Variants in SCN2A observed in about 807,000 individuals in gnomAD.
SCN2A encodes the protein sodium voltage-gated channel alpha subunit 2, also known as sodium channel protein type 2 subunit alpha.
SCN2A carries 20 observed loss-of-function variants against 188.7 expected under a neutral mutation model. That is an observed-to-expected ratio of 0.11 (90% CI 0.07 to 0.15). The LOEUF is 0.15. SCN2A is among the 10% of genes least tolerant of loss of function. SCN2A has a pLI of 1.00. For synonymous variants in SCN2A, 804 were observed against 833.1 expected, an observed-to-expected ratio of 0.97 and a Z score of 0.60; for missense variants, 1,278 against 2,445.0, an observed-to-expected ratio of 0.52 and a Z score of 10.07.
intron 1 of SCN2A, among the ~76,000 whole-genome samples, chr2:165,279,552 A>C (rs1186715567): frequency 6.6e-6 from 1 of 151,876 alleles, no homozygotes; most frequent in Non-Finnish European, 1.5e-5. Flanking sequence ...CAAGTTTTTA[A>C]AAATATTATA....
Position 165,295,791 on chromosome 2 carries a change from G to T in SCN2A, c.-33G>T. 1 of 1,613,760 alleles carries T rather than the reference G, an allele frequency of 6.2e-7. No individual in the cohort carries two copies. Among genetic ancestry groups the T allele is most frequent in the Non-Finnish European group, 8.5e-7 (1 of 1,179,958 alleles). On this transcript the variant is annotated 5_prime_UTR_variant, in exon 2 of 27. Transcript: ENST00000375437. ...TCTGTAGCACTTTCTTATGCAAGGAGCTAAACAGTGATTAAAGGAGCAGGA... is the reference window on the plus strand; with the variant it reads ...TCTGTAGCACTTTCTTATGCAAGGATCTAAACAGTGATTAAAGGAGCAGGA...
In SCN2A at chr2:165,312,039, T is replaced by C; in HGVS notation, c.985T>C (p.Leu329=). The part of the protein sequence containing the change: ...YIEDKSHFYF[L]EGQNDALLCG... ...TCTTTAAATAGGTCACTTTTATTTT[T>C]TAGAGGGGCAAAATGATGCTCTGCT... The change falls in exon 8 of 27, where the codon TTA becomes CTA. Residue 329 remains leucine, a synonymous_variant. Coordinates refer to ENST00000375437, the MANE Select transcript of SCN2A (RefSeq NM_001040142.2). 2 of 1,611,980 alleles carry C rather than the reference T, an allele frequency of 1.2e-6. No individual in the cohort carries two copies. The highest frequency in any genetic ancestry group is 8.5e-7 in the Non-Finnish European group (1 of 1,178,708).
intron 11 of SCN2A, among the ~76,000 whole-genome samples, chr2:165,317,374 GGA>G (rs142234775): frequency 6.7e-5 from 10 of 150,334 alleles, no homozygotes; most frequent in East Asian, 2.0e-4. Context: ...GAGGGAGGGG[GGA>G]GAGAGAGAGA....
intron 22 of SCN2A, 109 bp downstream of exon 22, chr2:165,375,075 T>A: frequency 3.3e-6 from 3 of 902,518 alleles, no homozygotes; most frequent in Non-Finnish European, 5.2e-6. Flanking sequence ...ATCAAACAGA[T>A]AAATGACAAT....
intron 14 of SCN2A, among the ~76,000 whole-genome samples, chr2:165,339,238 A>T (rs2105308573): frequency 6.6e-6 from 1 of 151,942 alleles, no homozygotes; most frequent in South Asian, 2.1e-4. Flanking sequence ...CAAAAAAAAA[A>T]AAAGAAAAAG....
Position 165,255,590 on chromosome 2 carries a change from C to T in SCN2A, c.-52+15950C>T, listed in dbSNP as rs143152821. Among the ~76,000 whole-genome samples, 732 of 151,792 alleles carry T rather than the reference C, an allele frequency of 4.8e-3. 8 individuals are homozygous for T. The highest frequency in any genetic ancestry group is 0.017 in the African/African-American group (697 of 41,390). On this transcript the variant is annotated intron_variant, in intron 1 of 26. Transcript: ENST00000375437. ...TCCTAACAATTATTAAAATATGGCT[C>T]TATGGTTTAACCCCATATCCTAACT...
At chr2:165,355,589 A>G (rs1355351913) in intron 17 of SCN2A, among the ~76,000 whole-genome samples, 1 of 152,168 alleles carries the variant, frequency 6.6e-6, no homozygotes, top group Admixed American at 6.6e-5. Context: ...TTCCTTCCTC[A>G]TACGAACTGT....
intron 1 of SCN2A, among the ~76,000 whole-genome samples, chr2:165,258,535 A>G (rs1441714131): frequency 6.6e-6 from 1 of 152,204 alleles, no homozygotes; most frequent in Non-Finnish European, 1.5e-5. Context: ...TGATTCCTCA[A>G]AGAACTTAAA....
rs1471162591 is a variant in SCN2A, at chr2:165,342,388, T to C, written c.2481T>C (p.Asp827=). 2 of 1,614,054 alleles carry C rather than the reference T, an allele frequency of 1.2e-6. No homozygotes were observed. The highest frequency in any genetic ancestry group is 2.2e-5 in the East Asian group (1 of 44,840). ...TTCAAGAAGGCTGGAATATTTTTGA[T>C]GGTTTTATTGTGAGCCTTAGTTTAA... The part of the protein sequence containing the change: ...YYFQEGWNIF[D]GFIVSLSLME... Residue 827 remains aspartate (D), a synonymous_variant, in exon 15 of 27, where the codon GAT becomes GAC. Transcript: ENST00000375437.
intron 2 of SCN2A, chr2:165,296,708 A>G (rs898122493): frequency 4.2e-5 from 8 of 188,304 alleles, no homozygotes; most frequent in Non-Finnish European, 8.7e-5. Flanking sequence ...CAAAGCCTCA[A>G]TTTTGTGCTT....
intron 17 of SCN2A, among the ~76,000 whole-genome samples, chr2:165,358,236 T>TA (rs572059018): frequency 6.9e-4 from 105 of 152,110 alleles, no homozygotes; most frequent in Non-Finnish European, 1.2e-3. Flanking sequence ...CCTCTGTCTT[T>TA]AAAAAAAAGA....
intron 1 of SCN2A, among the ~76,000 whole-genome samples, chr2:165,249,888 A>G (rs1325351589): frequency 6.6e-6 from 1 of 152,110 alleles, no homozygotes; most frequent in Non-Finnish European, 1.5e-5. Flanking sequence ...TCCACTGAAT[A>G]TATTTCTGCC....
Position 165,370,118 on chromosome 2 carries a change from A to T in SCN2A, c.3676-8A>T. 1 of 1,612,358 alleles carries T rather than the reference A, an allele frequency of 6.2e-7. No homozygotes were observed. Among genetic ancestry groups the T allele is most frequent in the Non-Finnish European group, 8.5e-7 (1 of 1,178,564 alleles). On this transcript the variant is annotated splice_polypyrimidine_tract_variant and splice_region_variant and intron_variant, in intron 19 of 26. Transcript: ENST00000375437. The stretch of plus-strand genomic sequence containing the variant: ...TCATAAAATTTAATAGAATTTTTTG[A>T]CTTACAGGCCTTTGAAGATATATAC...
chr2:165,391,297 C>T lies in SCN2A; in HGVS notation c.*1473C>T, dbSNP rs560744327. ...ATTGAACACTCAATGATGAAAAGCC[C>T]GACTGTACAAACATGTTGCAAGCTG... On this transcript the variant is annotated 3_prime_UTR_variant, in exon 27 of 27. Transcript: ENST00000375437. 6.6e-6 allele frequency: 1 copy of T among 152,284 alleles called. No homozygotes were observed. Among genetic ancestry groups the T allele is most frequent in the Admixed American group, 6.6e-5 (1 of 15,226 alleles). 9.4% of individuals were successfully genotyped at this position (152,284 alleles called of 1,614,324 possible). A position where few individuals can be genotyped will look rare whatever the true frequency, so the allele number is the denominator to read the frequency against.
At chr2:165,384,892 G>C (rs1701791327) in intron 25 of SCN2A, among the ~76,000 whole-genome samples, 1 of 152,070 alleles carries the variant, frequency 6.6e-6, no homozygotes, top group African/African-American at 2.4e-5. Flanking sequence ...TTCTAAGAGT[G>C]GTAGGCAGGA....
At chr2:165,360,712 C>T (rs56687929) in intron 17 of SCN2A, among the ~76,000 whole-genome samples, 4,004 of 151,804 alleles carry the variant, frequency 0.026, 185 homozygotes, top group African/African-American at 0.091. Context: ...TCAGTTAGTC[C>T]GCTAGTTTCC....
At chr2:165,282,539 G>A (rs1374464961) in intron 1 of SCN2A, among the ~76,000 whole-genome samples, 1 of 152,168 alleles carries the variant, frequency 6.6e-6, no homozygotes, top group Non-Finnish European at 1.5e-5. Context: ...AAGCTATGTT[G>A]CATAATCTTT....
intron 3 of SCN2A, among the ~76,000 whole-genome samples, chr2:165,301,819 T>C (rs188073427): frequency 3.9e-5 from 6 of 152,342 alleles, no homozygotes; most frequent in African/African-American, 1.4e-4. Context: ...AGTTTAGACC[T>C]GCAACTGACC....
At chr2:165,351,490 G>T (rs766344940) in intron 16 of SCN2A, among the ~76,000 whole-genome samples, 19 of 151,832 alleles carry the variant, frequency 1.3e-4, no homozygotes, top group Non-Finnish European at 2.8e-4. Context: ...AGGAAGTATC[G>T]GTAAGAGTAA....
Sources: allele counts gnomAD v4.1 joint callset (sites outside exome capture counted in the v4.1 genomes callset), GRCh38; gene constraint gnomAD v4.1.1; transcripts MANE v1.5; gene names NCBI Gene and HGNC (gene_info 2026-07-23, HGNC 2026-07-21).